The following DCP1A variants were observed in gnomAD, a reference collection of about 807,000 sequenced individuals.
The protein encoded by DCP1A is decapping mRNA 1A.
DCP1A carries 20 observed loss-of-function variants against 58.0 expected under a neutral mutation model. The observed-to-expected ratio is 0.34, with a 90% CI of 0.24 to 0.50. DCP1A has a LOEUF of 0.50. Ranked by LOEUF, DCP1A falls within the 20% of genes least tolerant of loss-of-function variation. The pLI, the probability that DCP1A is intolerant of heterozygous loss-of-function variation, is 0.98. For missense variants in DCP1A, 613 were observed against 712.2 expected, an observed-to-expected ratio of 0.86 and a Z score of 1.59; for synonymous variants, 285 against 275.1, an observed-to-expected ratio of 1.04 and a Z score of -0.36.
At chr3:53,341,533 T>A (rs1360947238) in intron 3 of DCP1A, among the ~76,000 whole-genome samples, 2 of 152,156 alleles carry the variant, frequency 1.3e-5, no homozygotes, top group African/African-American at 4.8e-5. Flanking sequence ...ATCCTGTGTG[T>A]CCCAAACTAA....
At chr3:53,299,720 C>G (rs1396061686) in intron 6 of DCP1A, among the ~76,000 whole-genome samples, 2 of 152,222 alleles carry the variant, frequency 1.3e-5, no homozygotes, top group African/African-American at 2.4e-5. Flanking sequence ...TGCTCCTCAG[C>G]ACTAGATGGC....
chr3:53,293,634 G>A (rs1453970215), intron 6 of DCP1A, among the ~76,000 whole-genome samples: 8 of 152,128 alleles, frequency 5.3e-5, no homozygotes, highest in African/African-American at 1.9e-4. Context: ...CCTAAAATGA[G>A]TGAATTAGTT....
chr3:53,298,283 G>A (rs1707195366), intron 6 of DCP1A, among the ~76,000 whole-genome samples: 1 of 152,144 alleles, frequency 6.6e-6, no homozygotes, highest in South Asian at 2.1e-4. Context: ...CCTGACCCCT[G>A]ACTTTAAAAG....
chr3:53,331,100 G>A (rs1489705111), intron 3 of DCP1A, among the ~76,000 whole-genome samples: 1 of 151,970 alleles, frequency 6.6e-6, no homozygotes, highest in Non-Finnish European at 1.5e-5. Flanking sequence ...CTCGTGATCC[G>A]CCTGGCTTGG....
intron 6 of DCP1A, among the ~76,000 whole-genome samples, chr3:53,299,623 T>C (rs1707248040): frequency 6.6e-6 from 1 of 152,146 alleles, no homozygotes; most frequent in African/African-American, 2.4e-5. Context: ...CAAAATACAC[T>C]ACAGAAACAA....
intron 5 of DCP1A, among the ~76,000 whole-genome samples, chr3:53,305,345 ATT>A (rs756153127): frequency 6.0e-5 from 4 of 66,988 alleles, no homozygotes; most frequent in African/African-American, 1.3e-4. Context: ...GTGGACAAAA[ATT>A]TTTTTTTCTT....
In DCP1A at chr3:53,312,232, G is replaced by C; in HGVS notation, c.510+9C>G. 6.3e-7 allele frequency: 1 copy of C among 1,580,020 alleles called. No individual in the cohort carries two copies. The highest frequency in any genetic ancestry group is 1.2e-5 in the South Asian group (1 of 86,276). On this transcript the variant is annotated intron_variant, in intron 5 of 9. Coordinates refer to ENST00000610213, the MANE Select transcript of DCP1A (RefSeq NM_018403.7). The stretch of plus-strand genomic sequence containing the variant: ...CCTGGTCAGCACCCAAGTACCCAGA[G>C]AGCCTCACCCTCTCATACTCATCCT...
At chr3:53,342,449 G>A (rs1291731601) in intron 2 of DCP1A, among the ~76,000 whole-genome samples, 178 bp from the exon 3 acceptor site, 1 of 152,166 alleles carries the variant, frequency 6.6e-6, no homozygotes, top group African/African-American at 2.4e-5. Flanking sequence ...CCTCTGACGA[G>A]AAGTCTCCAA....
At chr3:53,287,727 G>T in intron 9 of DCP1A, 67 bp from the exon 10 acceptor site, 1 of 1,178,380 alleles carries the variant, frequency 8.5e-7, no homozygotes, top group Non-Finnish European at 1.3e-6. Context: ...TACTTCCTTG[G>T]TAACAGCTTA....
chr3:53,332,626 A>G (rs940120758), intron 3 of DCP1A, among the ~76,000 whole-genome samples: 1 of 152,062 alleles, frequency 6.6e-6, no homozygotes, highest in Non-Finnish European at 1.5e-5. Context: ...GCACTTTGGG[A>G]GGCCAAGGCG....
intron 3 of DCP1A, among the ~76,000 whole-genome samples, chr3:53,326,627 C>T (rs1345640458): frequency 6.6e-6 from 1 of 152,180 alleles, no homozygotes; most frequent in Non-Finnish European, 1.5e-5. Flanking sequence ...CTGTGAACTG[C>T]ACATACGAGG....
At chr3:53,294,706 G>A (rs1707056568) in intron 6 of DCP1A, among the ~76,000 whole-genome samples, 1 of 152,206 alleles carries the variant, frequency 6.6e-6, no homozygotes, top group Non-Finnish European at 1.5e-5. Context: ...CTCCTTTCCA[G>A]CTGTGTGGCC....
chr3:53,324,869 G>T (rs1434751992), intron 3 of DCP1A, among the ~76,000 whole-genome samples: 1 of 149,704 alleles, frequency 6.7e-6, no homozygotes, highest in Non-Finnish European at 1.5e-5. Context: ...TTAAAAATTT[G>T]TTAACTAAAA....
At chr3:53,299,816 A>C (rs1553687208) in intron 6 of DCP1A, among the ~76,000 whole-genome samples, 2 of 152,192 alleles carry the variant, frequency 1.3e-5, no homozygotes, top group Non-Finnish European at 2.9e-5. Context: ...ACTTCTGACA[A>C]TATCCAGATC....
intron 3 of DCP1A, among the ~76,000 whole-genome samples, chr3:53,324,294 A>C (rs142428819): frequency 1.1e-4 from 16 of 152,320 alleles, no homozygotes; most frequent in African/African-American, 3.6e-4. Context: ...CGCATCCAAG[A>C]ATCAGCTCTG....
rs879955681 is a variant in DCP1A at position 53,324,875 on chromosome 3, T to TA, written c.305-5403dup. 7.7e-3 allele frequency among the ~76,000 whole-genome samples: 1,073 copies of TA among 140,020 alleles called. 8 individuals carry two copies. The highest frequency in any genetic ancestry group is 0.023 in the African/African-American group (900 of 38,298). The allele number at this position is 140,020 out of a possible 152,430, so 91.9% of individuals were successfully genotyped here. ...GTTTATTTTTTAAAAATTTGTTAACTAAAAAAAAAAAAGAAAAAAGTTAGG... is the reference window on the plus strand; with the variant it reads ...GTTTATTTTTTAAAAATTTGTTAACTAAAAAAAAAAAAAGAAAAAAGTTAGG... On this transcript the variant is annotated intron_variant, in intron 3 of 9. Coordinates refer to ENST00000610213, the MANE Select transcript of DCP1A (RefSeq NM_018403.7).
At chr3:53,309,697 A>G (rs1412858309) in intron 5 of DCP1A, among the ~76,000 whole-genome samples, 2 of 152,208 alleles carry the variant, frequency 1.3e-5, no homozygotes, top group African/African-American at 4.8e-5. Context: ...CCTGGGAGGT[A>G]GAGGCTGCAG....
intron 5 of DCP1A, among the ~76,000 whole-genome samples, chr3:53,306,154 AATGGATG>A (rs1707463429): frequency 1.3e-5 from 2 of 152,224 alleles, no homozygotes; most frequent in Admixed American, 1.3e-4. Context: ...TCAAATATTA[AATGGATG>A]GCATGTGTTT....
In DCP1A at chr3:53,312,230, G is replaced by A. The variant is rs1420569113; in HGVS notation, c.510+11C>T. 4 of 1,578,146 alleles carry A rather than the reference G, an allele frequency of 2.5e-6. No individual in the cohort carries two copies. The highest frequency in any genetic ancestry group is 2.6e-6 in the Non-Finnish European group (3 of 1,161,936). On this transcript the variant is annotated intron_variant, in intron 5 of 9. Coordinates refer to ENST00000610213, the MANE Select transcript of DCP1A (RefSeq NM_018403.7). Reference sequence around the variant, plus strand: ...TCCCTGGTCAGCACCCAAGTACCCAGAGAGCCTCACCCTCTCATACTCATC... The same window carrying A: ...TCCCTGGTCAGCACCCAAGTACCCAAAGAGCCTCACCCTCTCATACTCATC...
Sources: allele counts gnomAD v4.1 joint callset (sites outside exome capture counted in the v4.1 genomes callset), GRCh38; gene constraint gnomAD v4.1.1; transcripts MANE v1.5; gene names NCBI Gene and HGNC (gene_info 2026-07-23, HGNC 2026-07-21).